CDK5RAP2: variants seen among roughly 807,000 people sequenced by gnomAD.
CDK5RAP2 encodes CDK5 regulatory subunit associated protein 2.
In CDK5RAP2, 147 loss-of-function variants were observed where a neutral mutation model predicts 232.9. The observed-to-expected ratio is 0.63, with a 90% CI of 0.55 to 0.72. CDK5RAP2 has a LOEUF of 0.72. Ranked by LOEUF, CDK5RAP2 falls within the 30% of genes least tolerant of loss-of-function variation. CDK5RAP2 has a pLI of 0.00. For missense variants in CDK5RAP2, 2,195 were observed against 2,231.5 expected, an observed-to-expected ratio of 0.98 and a Z score of 0.33; for synonymous variants, 833 against 833.7, an observed-to-expected ratio of 1.00 and a Z score of 0.01.
rs774635195 is a variant in CDK5RAP2, at chr9:120,407,118, G to C, written c.4857C>G (p.Leu1619=). ...IETSSTLQSR[L]KEQLARGAEK... ...CTGCCCCCCTTGCCAGCTGTTCCTT[G>C]AGCCTGCTCTGCAGAGTGCTGCTGG... Residue 1619 remains leucine, a synonymous_variant, in exon 32 of 38, where the codon CTC becomes CTG. Coordinates refer to ENST00000349780, the MANE Select transcript of CDK5RAP2 (RefSeq NM_018249.6). The C allele has an allele frequency of 4.3e-6, 7 of 1,614,062 alleles. No homozygotes were observed. Among genetic ancestry groups the C allele is most frequent in the South Asian group, 2.2e-5 (2 of 91,072 alleles).
intron 36 of CDK5RAP2, among the ~76,000 whole-genome samples, chr9:120,391,960 C>T (rs993754214): frequency 3.3e-5 from 5 of 152,198 alleles, no homozygotes; most frequent in Non-Finnish European, 1.5e-5. Context: ...GGAGCAAGCC[C>T]CTCACCCTGC....
Position 120,453,884 on chromosome 9 carries a change from A to G in CDK5RAP2, c.2376-11T>C, listed in dbSNP as rs374737473. ...TTCAGAAGGTCTGGCCTGTTTTTCC[A>G]AAAGGGAAGGAAGTGGGAGAACCAA... On this transcript the variant is annotated splice_polypyrimidine_tract_variant and intron_variant, in intron 20 of 37. Transcript: ENST00000349780. The G allele has an allele frequency of 4.3e-5, 70 of 1,613,978 alleles. No individual in the cohort carries two copies. The African/African-American group carries it at 7.2e-4, about 17-fold the overall frequency.
intron 12 of CDK5RAP2, among the ~76,000 whole-genome samples, chr9:120,502,340 T>C (rs913145257): frequency 6.6e-6 from 1 of 152,188 alleles, no homozygotes; most frequent in Non-Finnish European, 1.5e-5. Context: ...GCACTTTTCC[T>C]GTGCACAGTA....
chr9:120,530,307 G>GTGACAT (rs1292737314), intron 7 of CDK5RAP2, among the ~76,000 whole-genome samples, 167 bp from the exon 8 acceptor site: 2 of 152,170 alleles, frequency 1.3e-5, no homozygotes, highest in Non-Finnish European at 2.9e-5. Flanking sequence ...CAGAATTCGT[G>GTGACAT]TGACATTAAC....
At chr9:120,555,662 A>T (rs2042203294) in intron 3 of CDK5RAP2, among the ~76,000 whole-genome samples, 1 of 152,250 alleles carries the variant, frequency 6.6e-6, no homozygotes, top group African/African-American at 2.4e-5. Context: ...TCTTGCAAAA[A>T]AAACTAGACT....
At chr9:120,446,785 C>G (rs1476219278) in intron 22 of CDK5RAP2, among the ~76,000 whole-genome samples, 1 of 152,154 alleles carries the variant, frequency 6.6e-6, no homozygotes, top group African/African-American at 2.4e-5. Flanking sequence ...CTTCCTTCTT[C>G]CCAAGATGAC....
At chr9:120,504,090 A>C (rs1320474932) in intron 12 of CDK5RAP2, among the ~76,000 whole-genome samples, 1 of 152,206 alleles carries the variant, frequency 6.6e-6, no homozygotes, top group Non-Finnish European at 1.5e-5. Flanking sequence ...AGAATGGGGA[A>C]TCAAAGTACA....
At chr9:120,429,923 TG>T (rs2035174749) in intron 25 of CDK5RAP2, among the ~76,000 whole-genome samples, 2 of 152,008 alleles carry the variant, frequency 1.3e-5, no homozygotes, top group African/African-American at 4.8e-5. Context: ...TACAGATCAA[TG>T]GGAACAGAAC....
intron 18 of CDK5RAP2, among the ~76,000 whole-genome samples, chr9:120,466,238 T>C (rs1209895746): frequency 6.6e-6 from 1 of 152,182 alleles, no homozygotes; most frequent in Non-Finnish European, 1.5e-5. Context: ...TTCTGCTTTG[T>C]TTCTCATCAA....
intron 15 of CDK5RAP2, among the ~76,000 whole-genome samples, chr9:120,474,215 A>G (rs2037880841): frequency 6.6e-6 from 1 of 152,222 alleles, no homozygotes; most frequent in African/African-American, 2.4e-5. Context: ...GAGATGCTCA[A>G]CAAACATCAT....
At chr9:120,434,011 G>C (rs1397934553) in intron 25 of CDK5RAP2, among the ~76,000 whole-genome samples, 3 of 152,174 alleles carry the variant, frequency 2.0e-5, no homozygotes, top group African/African-American at 7.2e-5. Context: ...ACTTTCTACA[G>C]GGAAGGCAGA....
chr9:120,477,441 G>C lies in CDK5RAP2; in HGVS notation c.1636C>G (p.Gln546Glu). 6.2e-7 allele frequency: 1 copy of C among 1,612,398 alleles called. No individual in the cohort carries two copies. The highest frequency in any genetic ancestry group is 8.5e-7 in the Non-Finnish European group (1 of 1,178,710). Residue 546 changes from glutamine to glutamate, a missense_variant, in exon 15 of 38, where the codon CAA becomes GAA. Coordinates refer to ENST00000349780, the MANE Select transcript of CDK5RAP2 (RefSeq NM_018249.6). The part of the protein sequence containing the change: ...SKTIFSKEKK[Q>E]SSDYEELIQV... ...ATCAGCTCTTCATAGTCTGATGATT[G>C]TTTCTTTTCCTGGAAATGACAATGG... is the stretch of plus-strand genomic sequence containing the variant.
intron 2 of CDK5RAP2, among the ~76,000 whole-genome samples, chr9:120,570,416 G>A (rs1430103869): frequency 6.6e-6 from 1 of 152,130 alleles, no homozygotes; most frequent in African/African-American, 2.4e-5. Flanking sequence ...CTTTGCTCCT[G>A]ACACTGACCA....
intron 24 of CDK5RAP2, among the ~76,000 whole-genome samples, chr9:120,439,127 A>G (rs146756111): frequency 5.4e-4 from 82 of 152,146 alleles, no homozygotes; most frequent in African/African-American, 1.9e-3. Context: ...TGAGCCCCCA[A>G]CTTGAGGAGG....
chr9:120,560,805 C>T (rs954535136), intron 3 of CDK5RAP2, among the ~76,000 whole-genome samples: 1 of 151,884 alleles, frequency 6.6e-6, no homozygotes. Flanking sequence ...TTAGTAGAGA[C>T]GGGGTTTCAC....
chr9:120,527,213 C>T (rs530223394), intron 10 of CDK5RAP2, among the ~76,000 whole-genome samples: 5 of 152,330 alleles, frequency 3.3e-5, no homozygotes, highest in African/African-American at 1.2e-4. Flanking sequence ...AGGCAACCAT[C>T]AGCTACCACC....
chr9:120,438,438 TATC>T (rs2035710386), intron 24 of CDK5RAP2, among the ~76,000 whole-genome samples: 1 of 152,156 alleles, frequency 6.6e-6, no homozygotes, highest in Admixed American at 6.5e-5. Flanking sequence ...TGGGGGCCAG[TATC>T]ATGTGAGTAC....
At chr9:120,543,284 T>C (rs1310932766) in intron 5 of CDK5RAP2, among the ~76,000 whole-genome samples, 1 of 152,142 alleles carries the variant, frequency 6.6e-6, no homozygotes, top group African/African-American at 2.4e-5. Context: ...GTCTCCACAA[T>C]CCACTTTCCA....
intron 3 of CDK5RAP2, among the ~76,000 whole-genome samples, chr9:120,553,309 T>C (rs1175557440): frequency 2.0e-5 from 3 of 152,214 alleles, no homozygotes; most frequent in African/African-American, 2.4e-5. Context: ...CCAGTAAACT[T>C]TTCTGTGCAG....
Sources: allele counts gnomAD v4.1 joint callset (sites outside exome capture counted in the v4.1 genomes callset), GRCh38; gene constraint gnomAD v4.1.1; transcripts MANE v1.5; gene names NCBI Gene and HGNC (gene_info 2026-07-23, HGNC 2026-07-21).